Variants in NWD2 observed in about 807,000 individuals in gnomAD.
NWD2 encodes NACHT and WD repeat domain-containing protein 2.
NWD2 carries 37 observed loss-of-function variants against 132.7 expected under a neutral mutation model. That is an observed-to-expected ratio of 0.28 (90% CI 0.21 to 0.37). The LOEUF (loss-of-function observed/expected upper bound fraction) is 0.37, where lower values mean the gene tolerates loss of function less well. Among genes scored for constraint, NWD2 ranks in the 10% least tolerant of loss-of-function variants. The pLI, the probability that NWD2 is intolerant of heterozygous loss-of-function variation, is 1.00. For synonymous variants in NWD2, 705 were observed against 803.0 expected (o/e 0.88, Z 2.06); for missense variants, 1,592 against 2,122.4 (o/e 0.75, Z 4.91).
At position 37,245,175 on chromosome 4, in the gene NWD2, C is replaced by T. The variant is rs1717208889; in HGVS notation, c.108C>T (p.Pro36=). The part of the protein sequence containing the change: ...NLTALPSHLV[P]AGRSVRVFIS... ...CGGCCCTGCCCTCTCACCTCGTGCC[C>T]GCCGGCCGCAGCGTCCGGGTCTTCA... The change falls in exon 1 of 7, where the codon CCC becomes CCT. Residue 36 remains proline, a synonymous_variant. Coordinates refer to ENST00000309447, the MANE Select transcript of NWD2 (RefSeq NM_001144990.2). The T allele has an allele frequency of 1.3e-6, 2 of 1,544,856 alleles. No homozygotes were observed. Among genetic ancestry groups the T allele is most frequent in the African/African-American group, 1.4e-5 (1 of 72,894 alleles).
At chr4:37,386,527 A>C (rs1490730172) in intron 3 of NWD2, among the ~76,000 whole-genome samples, 1 of 152,124 alleles carries the variant, frequency 6.6e-6, no homozygotes, top group African/African-American at 2.4e-5. Flanking sequence ...GATCAACTGC[A>C]CACCCTGAAC....
At chr4:37,412,491 CA>C (rs1721180280) in intron 3 of NWD2, among the ~76,000 whole-genome samples, 1 of 152,102 alleles carries the variant, frequency 6.6e-6, no homozygotes, top group East Asian at 1.9e-4. Flanking sequence ...AGGACACAAA[CA>C]AATGGAAAAA....
intron 1 of NWD2, among the ~76,000 whole-genome samples, chr4:37,260,883 A>G (rs1717622765): frequency 6.6e-6 from 1 of 152,220 alleles, no homozygotes; most frequent in South Asian, 2.1e-4. Context: ...GTAGCCACAT[A>G]CAACACATGA....
chr4:37,424,855 G>A (rs1008249026), intron 3 of NWD2, among the ~76,000 whole-genome samples: 1 of 152,134 alleles, frequency 6.6e-6, no homozygotes, highest in African/African-American at 2.4e-5. Flanking sequence ...CCTCTGTTCT[G>A]TTTGGTACAA....
intron 3 of NWD2, among the ~76,000 whole-genome samples, chr4:37,372,914 C>G (rs1433631424): frequency 6.6e-6 from 1 of 152,214 alleles, no homozygotes; most frequent in Non-Finnish European, 1.5e-5. Context: ...TGCCCTCTGA[C>G]TGTCCTATGC....
At chr4:37,299,842 G>A (rs568270349) in intron 1 of NWD2, among the ~76,000 whole-genome samples, 3 of 152,148 alleles carry the variant, frequency 2.0e-5, no homozygotes, top group Admixed American at 6.5e-5. Flanking sequence ...CTGTATATAT[G>A]CTTTCTTTTC....
At chr4:37,323,876 A>G (rs1409596577) in intron 1 of NWD2, among the ~76,000 whole-genome samples, 1 of 150,754 alleles carries the variant, frequency 6.6e-6, no homozygotes, top group East Asian at 1.9e-4. Flanking sequence ...AAAAGAATGC[A>G]ATGTCCTTTG....
intron 3 of NWD2, among the ~76,000 whole-genome samples, chr4:37,407,178 A>G (rs1458753112): frequency 1.3e-5 from 2 of 152,214 alleles, no homozygotes; most frequent in Non-Finnish European, 2.9e-5. Flanking sequence ...TGGCACATGT[A>G]TACCTATGTA....
chr4:37,299,150 G>C (rs1424263910), intron 1 of NWD2, among the ~76,000 whole-genome samples: 1 of 152,094 alleles, frequency 6.6e-6, no homozygotes, highest in Admixed American at 6.6e-5. Context: ...ACTGCAGCTA[G>C]TTCAAAGCAA....
At chr4:37,394,803 T>TTTTTTG (rs1560411760) in intron 3 of NWD2, among the ~76,000 whole-genome samples, 1 of 93,132 alleles carries the variant, frequency 1.1e-5, no homozygotes, top group Non-Finnish European at 2.2e-5. Context: ...TTTATGGTTT[T>TTTTTTG]TTTTTTTTTT....
At chr4:37,311,241 G>A in intron 1 of NWD2, among the ~76,000 whole-genome samples, 1 of 152,144 alleles carries the variant, frequency 6.6e-6, no homozygotes, top group Non-Finnish European at 1.5e-5. Context: ...CTAGTTTACA[G>A]TCCCACCAAC....
chr4:37,309,009 C>T lies in NWD2; in HGVS notation c.152-16927C>T, dbSNP rs143575768. Among the ~76,000 whole-genome samples the T allele has an allele frequency of 3.3e-5, 5 of 152,316 alleles. 1 individual carries two copies. The East Asian group carries it at 9.7e-4, about 29-fold the overall frequency. ...CATCAGATAAGACAGTCCTCAGGCC[C>T]TCAGATGGGGGATTGCATGAGAGAG... On this transcript the variant is annotated intron_variant, in intron 1 of 6. Transcript: ENST00000309447.
rs565114414 is a variant in NWD2 at position 37,435,830 on chromosome 4, G to T, written c.706+1810G>T. ...GGTTATATCTCCTGAAGATATACAT[G>T]CTCATGACAATTTTACTTATTTTAC... On this transcript the variant is annotated intron_variant, in intron 5 of 6. Coordinates refer to ENST00000309447, the MANE Select transcript of NWD2 (RefSeq NM_001144990.2). Among the ~76,000 whole-genome samples, 230 of 152,212 alleles carry T rather than the reference G, an allele frequency of 1.5e-3. 3 individuals carry two copies. The South Asian group carries it at 0.024, about 16-fold the overall frequency.
chr4:37,249,960 TA>T (rs1560376674), intron 1 of NWD2, among the ~76,000 whole-genome samples: 1 of 152,220 alleles, frequency 6.6e-6, no homozygotes, highest in Non-Finnish European at 1.5e-5. Context: ...TTGCTACAAC[TA>T]GTGCTCAATT....
chr4:37,387,567 C>G (rs1720588325), intron 3 of NWD2, among the ~76,000 whole-genome samples: 1 of 151,646 alleles, frequency 6.6e-6, no homozygotes, highest in African/African-American at 2.4e-5. Context: ...TCTTCACCAT[C>G]TTTCACCCTC....
intron 3 of NWD2, among the ~76,000 whole-genome samples, chr4:37,357,292 C>T (rs768546464): frequency 1.3e-5 from 2 of 151,970 alleles, no homozygotes; most frequent in African/African-American, 2.4e-5. Context: ...AAAATCACAC[C>T]GTACTGTTAA....
intron 3 of NWD2, among the ~76,000 whole-genome samples, chr4:37,375,794 C>T (rs983947401): frequency 2.0e-5 from 3 of 152,106 alleles, no homozygotes; most frequent in Non-Finnish European, 4.4e-5. Flanking sequence ...GTCTCGATCT[C>T]CTGACCTTGT....
chr4:37,360,570 G>A (rs1719962529), intron 3 of NWD2, among the ~76,000 whole-genome samples: 1 of 152,150 alleles, frequency 6.6e-6, no homozygotes, highest in African/African-American at 2.4e-5. Context: ...GCCCCTAGCA[G>A]GGAGACAAAT....
intron 1 of NWD2, among the ~76,000 whole-genome samples, chr4:37,289,558 G>A (rs533237110): frequency 2.6e-4 from 39 of 152,174 alleles, no homozygotes; most frequent in East Asian, 1.5e-3. Context: ...CACAGTAAAT[G>A]GCAATTATCA....
Sources: allele counts gnomAD v4.1 joint callset (sites outside exome capture counted in the v4.1 genomes callset), GRCh38; gene constraint gnomAD v4.1.1; transcripts MANE v1.5; gene names NCBI Gene and HGNC (gene_info 2026-07-23, HGNC 2026-07-21).